The following YPEL1 variants were observed in gnomAD, a reference collection of about 807,000 sequenced individuals.
The protein encoded by YPEL1 is yippee like 1, also known as protein yippee-like 1.
In YPEL1, 7 loss-of-function variants were observed where a neutral mutation model predicts 17.3. The ratio of observed to expected loss-of-function variants is 0.40; its 90% CI spans 0.23 to 0.76. YPEL1 has a LOEUF of 0.76. YPEL1 is among the 30% of genes least tolerant of loss of function. The probability of loss-of-function intolerance (pLI) is 0.35; values close to 1 mark genes in which losing one functional copy is unlikely to be tolerated. For synonymous variants in YPEL1, 59 were observed against 59.6 expected, an observed-to-expected ratio of 0.99 and a Z score of 0.05; for missense variants, 91 against 155.5, an observed-to-expected ratio of 0.59 and a Z score of 2.21.
chr22:21,732,739 G>A (rs1386904477), intron 1 of YPEL1, among the ~76,000 whole-genome samples: 2 of 151,894 alleles, frequency 1.3e-5, no homozygotes, highest in African/African-American at 2.4e-5. Flanking sequence ...CCGAGATCAC[G>A]CCACTGCACT....
chr22:21,733,951 A>G lies in YPEL1; in HGVS notation c.-165+1664T>C, dbSNP rs1245770842. The stretch of plus-strand genomic sequence containing the variant: ...GCTTTATGGTGAGGTATAGCAGCTC[A>G]AGCCTGTAATCCCAACACTTCAGGA... On this transcript the variant is annotated intron_variant, in intron 1 of 4. Transcript: ENST00000339468. Among the ~76,000 whole-genome samples the G allele has an allele frequency of 3.3e-5, 5 of 152,278 alleles. No homozygotes were observed. In the East Asian group the frequency reaches 9.6e-4, roughly 29 times the overall value.
chr22:21,715,527 A>C (rs577880675), intron 1 of YPEL1, among the ~76,000 whole-genome samples: 13 of 152,008 alleles, frequency 8.6e-5, no homozygotes, highest in African/African-American at 2.4e-4. Flanking sequence ...AACAAACAAA[A>C]AAACCCCACG....
chr22:21,704,474 T>G (rs915434313), intron 2 of YPEL1, among the ~76,000 whole-genome samples: 2 of 152,090 alleles, frequency 1.3e-5, no homozygotes, highest in African/African-American at 2.4e-5. Context: ...CTGGCCAACA[T>G]GGTGAAACCC....
At chr22:21,701,355 G>A (rs2068064538) in intron 4 of YPEL1, 137 bp from the exon 5 acceptor site, 2 of 605,586 alleles carry the variant, frequency 3.3e-6, no homozygotes, top group Non-Finnish European at 5.8e-6. Flanking sequence ...CACTCATCCG[G>A]CGCTGGGAGG....
chr22:21,721,771 G>C (rs1395701819), intron 1 of YPEL1, among the ~76,000 whole-genome samples: 3 of 152,026 alleles, frequency 2.0e-5, no homozygotes, highest in Non-Finnish European at 4.4e-5. Flanking sequence ...CACATTTTAA[G>C]TGGACAGAAC....
chr22:21,712,589 G>C (rs1232903447), intron 1 of YPEL1, among the ~76,000 whole-genome samples: 1 of 151,662 alleles, frequency 6.6e-6, no homozygotes, highest in Non-Finnish European at 1.5e-5. Context: ...AGCCGGGCGT[G>C]GTGGCGGGTG....
In YPEL1 at chr22:21,703,714, G is replaced by GGGC; in HGVS notation, c.161+124_161+125insGCC. The stretch of plus-strand genomic sequence containing the variant: ...AGCGCGTTTCAGAAACTCCCGGCGG[G>GGGC]GGGATGGTGGGTTCTTTCAGGACCC... On this transcript the variant is annotated intron_variant, in intron 3 of 4. Transcript: ENST00000339468. This position sits in a 1 kb window ranked among gnomAD's most constrained non-coding sequence, Gnocchi z 6.1. 4 of 1,120,356 alleles carry GGGC rather than the reference G, an allele frequency of 3.6e-6. No individual in the cohort carries two copies. Among genetic ancestry groups the GGGC allele is most frequent in the Non-Finnish European group, 5.1e-6 (4 of 789,162 alleles). 69.4% of individuals were successfully genotyped at this position (1,120,356 alleles called of 1,614,324 possible). A position where few individuals can be genotyped will look rare whatever the true frequency, so the allele number is the denominator to read the frequency against.
chr22:21,726,210 G>A (rs2068334174), intron 1 of YPEL1, among the ~76,000 whole-genome samples: 1 of 152,138 alleles, frequency 6.6e-6, no homozygotes, highest in Non-Finnish European at 1.5e-5. Context: ...CCCTGCCAGC[G>A]CTGTCCAGGA....
At chr22:21,704,199 G>C (rs2068094906) in intron 2 of YPEL1, 3 of 717,708 alleles carry the variant, frequency 4.2e-6, no homozygotes, top group Non-Finnish European at 5.2e-6. Context: ...TTACCTTAGA[G>C]GAGTTCTGAG....
intron 1 of YPEL1, among the ~76,000 whole-genome samples, chr22:21,732,427 T>C (rs1467446841): frequency 6.6e-6 from 1 of 152,230 alleles, no homozygotes; most frequent in Non-Finnish European, 1.5e-5. Flanking sequence ...GGGGCTTCTA[T>C]TGCTTCTTCA....
At chr22:21,717,412 G>A (rs1345534531) in intron 1 of YPEL1, among the ~76,000 whole-genome samples, 4 of 151,660 alleles carry the variant, frequency 2.6e-5, no homozygotes, top group African/African-American at 7.3e-5. Context: ...AGTGAGGAAG[G>A]TGGAAATATG....
chr22:21,727,116 G>A (rs187717244), intron 1 of YPEL1, among the ~76,000 whole-genome samples: 86 of 152,258 alleles, frequency 5.6e-4, no homozygotes, highest in African/African-American at 2.0e-3. Flanking sequence ...CCAAGTCCCT[G>A]TCCCTGTCTC....
intron 1 of YPEL1, among the ~76,000 whole-genome samples, chr22:21,725,100 G>A (rs1314392107): frequency 2.0e-5 from 3 of 151,452 alleles, no homozygotes; most frequent in African/African-American, 7.3e-5. Context: ...GTAAAGATGG[G>A]CTTTCACCAT....
At chr22:21,714,132 C>A (rs568772467) in intron 1 of YPEL1, among the ~76,000 whole-genome samples, 26 of 152,308 alleles carry the variant, frequency 1.7e-4, no homozygotes, top group African/African-American at 4.6e-4. Flanking sequence ...GTCTGCCCCC[C>A]ACCTGCGCAG....
chr22:21,716,634 C>A (rs548744707), intron 1 of YPEL1, among the ~76,000 whole-genome samples: 1 of 152,266 alleles, frequency 6.6e-6, no homozygotes, highest in Non-Finnish European at 1.5e-5. Flanking sequence ...GCTGACAGCG[C>A]CCTGAGGTAC....
intron 1 of YPEL1, among the ~76,000 whole-genome samples, chr22:21,728,346 C>T (rs1050506728): frequency 7.9e-5 from 12 of 152,110 alleles, no homozygotes; most frequent in Admixed American, 3.3e-4. Flanking sequence ...AAAAGGCCAC[C>T]GCCATCACGG....
At position 21,700,899 on chromosome 22, in the gene YPEL1, G is replaced by A; in HGVS notation, c.*230C>T. 1 of 423,764 alleles carries A rather than the reference G, an allele frequency of 2.4e-6. No homozygotes were observed. 26.3% of individuals were successfully genotyped at this position (423,764 alleles called of 1,614,324 possible). A position where few individuals can be genotyped will look rare whatever the true frequency, so the allele number is the denominator to read the frequency against. ...GGTTAATTCTTTCTCTAGAACTTGAGAAGTTAGAAAAAGCTCATTGAAAAT... is the reference window on the plus strand; with the variant it reads ...GGTTAATTCTTTCTCTAGAACTTGAAAAGTTAGAAAAAGCTCATTGAAAAT... On this transcript the variant is annotated 3_prime_UTR_variant, in exon 5 of 5. Transcript: ENST00000339468.
chr22:21,715,301 T>C (rs2068210102), intron 1 of YPEL1, among the ~76,000 whole-genome samples: 1 of 152,090 alleles, frequency 6.6e-6, no homozygotes, highest in Non-Finnish European at 1.5e-5. Context: ...GAGACCATCC[T>C]GGCCAACATG....
At chr22:21,717,325 G>A (rs1368484906) in intron 1 of YPEL1, among the ~76,000 whole-genome samples, 3 of 149,644 alleles carry the variant, frequency 2.0e-5, no homozygotes. Context: ...GCAGTGAGCT[G>A]AGATTGCGCC....
Sources: gnomAD v4.1 joint callset for allele counts (sites outside exome capture counted in the v4.1 genomes callset) on GRCh38, gnomAD v4.1.1 for gene constraint, Gnocchi (gnomAD v3.1) non-coding constraint, MANE v1.5 for transcripts, NCBI Gene and HGNC (gene_info 2026-07-23, HGNC 2026-07-21) for gene names.